The following INKA2 variants were observed in gnomAD, a reference collection of about 807,000 sequenced individuals.
INKA2 encodes the protein inka box actin regulator 2.
Under a neutral mutation model 9.8 loss-of-function variants are expected in INKA2, and 3 were observed. The ratio of observed to expected loss-of-function variants is 0.31; its 90% CI spans 0.14 to 0.79. The LOEUF (loss-of-function observed/expected upper bound fraction) is 0.79. INKA2 is among the 30% of genes least tolerant of loss of function. The pLI is 0.62. For synonymous variants in INKA2, 147 were observed against 143.3 expected (o/e 1.03, Z -0.18); for missense variants, 392 against 384.4 (o/e 1.02, Z -0.17).
chr1:111,746,335 G>A (rs1663273246), intron 1 of INKA2: 1 of 152,266 alleles, frequency 6.6e-6, no homozygotes, highest in African/African-American at 2.4e-5. Context: ...CGCTTAACAA[G>A]TGAAGATGCA....
rs1662809278 is a variant in INKA2, at chr1:111,727,450, G to A, written c.412C>T (p.Pro138Ser). ...ATCAACGTGGAGGTCCAGTCATCCG[G>A]TTCCACTCGCTCTGGCCCCTGCTGA... ...CAQQGPERVE[P>S]DDWTSTLMSR... is the part of the protein sequence containing the mutation. Residue 138 changes from proline (P) to serine (S), a missense_variant, in exon 2 of 2, where the codon CCG becomes TCG. By Grantham distance (74) the Pro-to-Ser change is moderately conservative. Transcript: ENST00000357260. 2 of 1,614,232 alleles carry A rather than the reference G, an allele frequency of 1.2e-6. No individual in the cohort carries two copies. Among genetic ancestry groups the A allele is most frequent in the Non-Finnish European group, 1.7e-6 (2 of 1,180,046 alleles).
chr1:111,739,996 G>A (rs1467194565), upstream of INKA2: 1 of 152,292 alleles, frequency 6.6e-6, no homozygotes, highest in African/African-American at 2.4e-5. Flanking sequence ...CAAGGCTGTA[G>A]GGCTGGGGAT....
In INKA2 at chr1:111,727,145, C is replaced by T. The variant is rs766257553; in HGVS notation, c.717G>A (p.Glu239=). 1.9e-6 allele frequency: 3 copies of T among 1,614,114 alleles called. No homozygotes were observed. Among genetic ancestry groups the T allele is most frequent in the South Asian group, 2.2e-5 (2 of 91,092 alleles). ...CCTTCTGTGAGCGGCCGGTTCGGGA[C>T]TCAGGGACCATGGGTGTCACCCAGC... The part of the protein sequence containing the change: ...KPGWVTPMVP[E]SRTGRSQKVK... Residue 239 remains glutamate (E), a synonymous_variant, in exon 2 of 2, where the codon GAG becomes GAA. Coordinates refer to ENST00000357260, the MANE Select transcript of INKA2 (RefSeq NM_019099.5).
At position 111,723,043 on chromosome 1, in the gene INKA2, G is replaced by A; in HGVS notation, c.*3925C>T. 1 of 701,848 alleles carries A rather than the reference G, an allele frequency of 1.4e-6. No individual in the cohort carries two copies. The highest frequency in any genetic ancestry group is 2.0e-5 in the Admixed American group (1 of 49,928). 43.5% of individuals were successfully genotyped at this position (701,848 alleles called of 1,614,324 possible). On this transcript the variant is annotated 3_prime_UTR_variant, in exon 2 of 2. Transcript: ENST00000357260. ...GCTCAAGCTTCCACAGTGACAGAGGGGGCTCTCAAATCTTAACTCCAAGTC... is the reference window on the plus strand; with the variant it reads ...GCTCAAGCTTCCACAGTGACAGAGGAGGCTCTCAAATCTTAACTCCAAGTC...
intron 1 of INKA2, among the ~76,000 whole-genome samples, chr1:111,749,803 G>T (rs1190964364): frequency 4.6e-5 from 7 of 152,086 alleles, no homozygotes; most frequent in African/African-American, 1.2e-4. Flanking sequence ...CCATCCACAG[G>T]AGCTGAATAT....
In INKA2 at chr1:111,727,407, C is replaced by T. The variant is rs373194330; in HGVS notation, c.455G>A (p.Arg152Gln). ...TSTLMSRGRN[R>Q]QPLVLGDNVF... ...GTTGTCCCCTAACACCAGAGGCTGT[C>T]GATTCCGGCCCCGGGACATCAACGT... Residue 152 changes from arginine to glutamine, a missense_variant, in exon 2 of 2, where the codon CGA becomes CAA. Transcript: ENST00000357260. 16 of 1,614,006 alleles carry T rather than the reference C, an allele frequency of 9.9e-6. No individual in the cohort carries two copies. The highest frequency in any genetic ancestry group is 1.7e-4 in the Middle Eastern group (1 of 6,060).
intron 1 of INKA2, among the ~76,000 whole-genome samples, chr1:111,735,952 G>A (rs1179738271): frequency 6.6e-6 from 1 of 152,128 alleles, no homozygotes. Context: ...CAGCCTTTAC[G>A]CATTCTATTT....
chr1:111,743,681 C>T (rs557453567), upstream of INKA2, among the ~76,000 whole-genome samples: 2 of 152,318 alleles, frequency 1.3e-5, no homozygotes, highest in Admixed American at 6.5e-5. Flanking sequence ...TATCCAGCTT[C>T]TCATCTCTAC....
chr1:111,744,995 T>C (rs745353914), intron 1 of INKA2, among the ~76,000 whole-genome samples: 3 of 152,022 alleles, frequency 2.0e-5, no homozygotes, highest in African/African-American at 2.4e-5. Flanking sequence ...ATATGGTATT[T>C]TGAGTAAACT....
intron 1 of INKA2, chr1:111,755,585 G>C: frequency 8.3e-7 from 1 of 1,211,052 alleles, no homozygotes. Flanking sequence ...ACGGCGAGAG[G>C]GCGGTGGCGC....
At position 111,722,546 on chromosome 1, in the gene INKA2, AGGTCCTTAGGCAGTGG is replaced by A. The variant is rs1287542210; in HGVS notation, c.*4406_*4421del. On this transcript the variant is annotated 3_prime_UTR_variant, in exon 2 of 2. Transcript: ENST00000357260. Reference sequence around the variant, plus strand: ...AGGGAGTGGGAATGTTTCCTAGAGCAGGTCCTTAGGCAGTGGGGTCCTCAAGCACCTTTTCTCCAAG... The same window carrying A: ...AGGGAGTGGGAATGTTTCCTAGAGCAGGTCCTCAAGCACCTTTTCTCCAAG... 2 of 153,406 alleles carry A rather than the reference AGGTCCTTAGGCAGTGG, an allele frequency of 1.3e-5. No homozygotes were observed. The highest frequency in any genetic ancestry group is 3.8e-4 in the East Asian group (2 of 5,200). The allele number at this position is 153,406 out of a possible 1,614,324, so 9.5% of individuals were successfully genotyped here.
chr1:111,726,518 T>C lies in INKA2; in HGVS notation c.*450A>G, dbSNP rs1662773824. ...AGCTGACAGAAGGTTGGGAGAGCCA[T>C]AGACAGGTCTTTATTTGGGGGCCTA... On this transcript the variant is annotated 3_prime_UTR_variant, in exon 2 of 2. Transcript: ENST00000357260. 3 of 195,128 alleles carry C rather than the reference T, an allele frequency of 1.5e-5. No individual in the cohort carries two copies. The highest frequency in any genetic ancestry group is 2.7e-4 in the South Asian group (2 of 7,522). The allele number at this position is 195,128 out of a possible 1,614,324, so 12.1% of individuals were successfully genotyped here.
chr1:111,738,801 G>A (rs1465349054), intron 1 of INKA2, among the ~76,000 whole-genome samples: 1 of 152,084 alleles, frequency 6.6e-6, no homozygotes, highest in Non-Finnish European at 1.5e-5. Context: ...CCAGGCGCCC[G>A]CGTCCCGCTC....
At chr1:111,754,987 A>AAAAGGAAGAGCTCTTTG (rs1663496040) in intron 1 of INKA2, 1 of 152,436 alleles carries the variant, frequency 6.6e-6, no homozygotes, top group African/African-American at 2.4e-5. Flanking sequence ...GACCTCTTTG[A>AAAAGGAAGAGCTCTTTG]AAAGCTGATA....
chr1:111,743,195 C>A (rs537959280), upstream of INKA2, among the ~76,000 whole-genome samples: 2 of 152,294 alleles, frequency 1.3e-5, no homozygotes, highest in Admixed American at 6.5e-5. Flanking sequence ...CACCCACCCC[C>A]CTCCGAAACT....
chr1:111,738,055 G>A (rs1382673606), intron 1 of INKA2, among the ~76,000 whole-genome samples: 1 of 152,232 alleles, frequency 6.6e-6, no homozygotes, highest in African/African-American at 2.4e-5. Flanking sequence ...ATCCAGGCCT[G>A]CTGTTGTGTG....
upstream of INKA2, among the ~76,000 whole-genome samples, chr1:111,740,602 G>GT (rs35421544): frequency 0.036 from 5,424 of 152,352 alleles, 134 homozygotes; most frequent in East Asian, 0.073. Context: ...TGGGACAACT[G>GT]TAAGAACACC....
Position 111,727,405 on chromosome 1 carries a change from G to C in INKA2, c.457C>G (p.Gln153Glu), listed in dbSNP as rs1205225505. 6.2e-7 allele frequency: 1 copy of C among 1,613,946 alleles called. No homozygotes were observed. The highest frequency in any genetic ancestry group is 2.2e-5 in the East Asian group (1 of 44,888). The change falls in exon 2 of 2, where the codon CAG (glutamine) becomes GAG (glutamate). Residue 153 changes from glutamine to glutamate, a missense_variant. By Grantham distance (29) the Gln-to-Glu change is conservative. Coordinates refer to ENST00000357260, the MANE Select transcript of INKA2 (RefSeq NM_019099.5). ...ACGTTGTCCCCTAACACCAGAGGCT[G>C]TCGATTCCGGCCCCGGGACATCAAC... Reference protein sequence around the residue: ...STLMSRGRNRQPLVLGDNVFA... With the variant: ...STLMSRGRNREPLVLGDNVFA...
chr1:111,744,019 CTG>C (rs1663205923), upstream of INKA2, among the ~76,000 whole-genome samples: 1 of 152,230 alleles, frequency 6.6e-6, no homozygotes, highest in Non-Finnish European at 1.5e-5. Context: ...TGAGCAGAGA[CTG>C]TGTACGTGTC....
Sources: allele counts gnomAD v4.1 joint callset (sites outside exome capture counted in the v4.1 genomes callset), GRCh38; gene constraint gnomAD v4.1.1; transcripts MANE v1.5; gene names NCBI Gene and HGNC (gene_info 2026-07-23, HGNC 2026-07-21).